TMC2: variants seen among roughly 807,000 people sequenced by gnomAD.
TMC2 encodes the protein transmembrane channel like 2, also known as transmembrane channel-like protein 2.
TMC2 carries 102 observed loss-of-function variants against 105.9 expected under a neutral mutation model. The observed-to-expected ratio is 0.96, with a 90% CI of 0.82 to 1.14. The LOEUF is 1.14. Among genes scored for constraint, TMC2 ranks in the 50% most tolerant of loss-of-function variants. TMC2 has a pLI of 0.00. For missense variants in TMC2, 1,093 were observed against 1,134.3 expected, an observed-to-expected ratio of 0.96 and a Z score of 0.52; for synonymous variants, 402 against 422.8, an observed-to-expected ratio of 0.95 and a Z score of 0.60.
In TMC2 at chr20:2,616,089, G is replaced by A. The variant is rs908113961; in HGVS notation, c.1873-48G>A. The stretch of plus-strand genomic sequence containing the variant: ...TAGGGTTTGGCTGAATTCACCAAAC[G>A]TGCTTTTTTTTTTCTCTCTCTCTCT... On this transcript the variant is annotated intron_variant, in intron 14 of 19. Transcript: ENST00000358864. The surrounding 1 kb of genome is among the most constrained non-coding windows in gnomAD (Gnocchi z 4.8). The A allele has an allele frequency of 6.5e-7, 1 of 1,531,308 alleles. No individual in the cohort carries two copies. Among genetic ancestry groups the A allele is most frequent in the Non-Finnish European group, 9.0e-7 (1 of 1,111,238 alleles). 94.9% of individuals were successfully genotyped at this position (1,531,308 alleles called of 1,614,324 possible). A position where few individuals can be genotyped will look rare whatever the true frequency, so the allele number is the denominator to read the frequency against.
intron 18 of TMC2, 135 bp from the exon 19 acceptor site, chr20:2,637,339 G>A (rs1300730388): frequency 2.4e-5 from 14 of 583,406 alleles, no homozygotes; most frequent in Non-Finnish European, 4.2e-5. Flanking sequence ...AGTGAGCCGA[G>A]TTCACGCCGC....
chr20:2,614,295 C>G lies in TMC2; in HGVS notation c.1872+973C>G, dbSNP rs145717330. On this transcript the variant is annotated intron_variant, in intron 14 of 19. Transcript: ENST00000358864. ...TTGAAAAATAAGCATGTGAGAATAT[C>G]CAGAAAAAATATTTAAAAAGAAGAA... Among the ~76,000 whole-genome samples, 234 of 152,144 alleles carry G rather than the reference C, an allele frequency of 1.5e-3. 1 individual carries two copies. Among genetic ancestry groups the G allele is most frequent in the Non-Finnish European group, 2.9e-3 (196 of 68,010 alleles).
intron 4 of TMC2, among the ~76,000 whole-genome samples, chr20:2,565,060 C>T (rs1254708640): frequency 6.6e-6 from 1 of 152,242 alleles, no homozygotes; most frequent in Non-Finnish European, 1.5e-5. Context: ...TGCCCCTCCC[C>T]ACAAGCAGGC....
intron 2 of TMC2, among the ~76,000 whole-genome samples, chr20:2,548,195 T>C (rs2085935789): frequency 6.6e-6 from 1 of 152,216 alleles, no homozygotes; most frequent in African/African-American, 2.4e-5. Flanking sequence ...ACACACATCT[T>C]GTATACAGCT....
chr20:2,641,808 C>A lies in TMC2; in HGVS notation c.*457C>A. On this transcript the variant is annotated 3_prime_UTR_variant, in exon 20 of 20. Transcript: ENST00000358864. ...AGTGAGCTGGTTTAAATGAAAGGTC[C>A]AGGCCAGGCACAGTGGCTCACACCT... 6.0e-6 allele frequency: 1 copy of A among 166,746 alleles called. No homozygotes were observed. Among genetic ancestry groups the A allele is most frequent in the Admixed American group, 5.7e-5 (1 of 17,494 alleles). The allele number at this position is 166,746 out of a possible 1,614,324, so 10.3% of individuals were successfully genotyped here. A position where few individuals can be genotyped will look rare whatever the true frequency, so the allele number is the denominator to read the frequency against.
rs11472755 is a variant in TMC2, at chr20:2,598,197, G to GAAA, written c.1224+911_1224+913dup. On this transcript the variant is annotated intron_variant, in intron 10 of 19. Transcript: ENST00000358864. ...CTGTTCCCCAGAAAGCTAGTGAAAT[G>GAAA]AAAAAAAAAAAAAAGAATTTGAACT... Among the ~76,000 whole-genome samples, 507 of 132,390 alleles carry GAAA rather than the reference G, an allele frequency of 3.8e-3. 18 individuals are homozygous for GAAA. In the East Asian group the frequency reaches 0.063, roughly 17 times the overall value. 86.9% of individuals were successfully genotyped at this position (132,390 alleles called of 152,430 possible).
chr20:2,605,135 A>C (rs1337231617), intron 11 of TMC2, among the ~76,000 whole-genome samples: 2 of 152,098 alleles, frequency 1.3e-5, no homozygotes, highest in African/African-American at 2.4e-5. Context: ...TTAGTGTCTT[A>C]ATTGAATTGA....
chr20:2,610,937 T>G lies in TMC2; in HGVS notation c.1593+339T>G, dbSNP rs554395245. Among the ~76,000 whole-genome samples, 15 of 152,322 alleles carry G rather than the reference T, an allele frequency of 9.8e-5. No homozygotes were observed. In the South Asian group the frequency reaches 2.9e-3, roughly 29 times the overall value. On this transcript the variant is annotated intron_variant, in intron 12 of 19. Coordinates refer to ENST00000358864, the MANE Select transcript of TMC2 (RefSeq NM_080751.3). ...AGTAATTGTCCTCTAAGGGGCTATG[T>G]CATTACTTAACCGTTTATCAATGCT...
At chr20:2,586,597 G>A (rs558128189) in intron 7 of TMC2, among the ~76,000 whole-genome samples, 22 of 152,200 alleles carry the variant, frequency 1.4e-4, no homozygotes, top group Admixed American at 3.3e-4. Flanking sequence ...GAGCAAGAGA[G>A]TGATTGGGAG....
At chr20:2,615,603 C>T (rs759759664) in intron 14 of TMC2, among the ~76,000 whole-genome samples, 5 of 152,172 alleles carry the variant, frequency 3.3e-5, no homozygotes, top group Middle Eastern at 3.2e-3. Flanking sequence ...AAAATATGAA[C>T]CAAGCTGGGT....
At chr20:2,624,507 C>T (rs553554257) in intron 17 of TMC2, 111 bp downstream of exon 17, 2 of 1,269,448 alleles carry the variant, frequency 1.6e-6, no homozygotes, top group South Asian at 1.5e-5. Flanking sequence ...TCCCCAGAAG[C>T]AGAATCCATG....
At chr20:2,598,493 C>T (rs1450875193) in intron 10 of TMC2, among the ~76,000 whole-genome samples, 1 of 152,000 alleles carries the variant, frequency 6.6e-6, no homozygotes, top group African/African-American at 2.4e-5. Context: ...CAGCTCACTG[C>T]AACCTCCGGC....
At chr20:2,612,131 T>C in intron 12 of TMC2, 60 bp from the exon 13 acceptor site, 3 of 1,487,848 alleles carry the variant, frequency 2.0e-6, no homozygotes, top group East Asian at 4.7e-5. Flanking sequence ...ACTGTTCTTA[T>C]GGAAACAGTT....
intron 9 of TMC2, among the ~76,000 whole-genome samples, chr20:2,595,933 C>G (rs957613046): frequency 6.6e-6 from 1 of 152,208 alleles, no homozygotes. Context: ...ACTGGGTGAT[C>G]TCTGACTGCA....
Position 2,635,974 on chromosome 20 carries a change from T to A in TMC2, c.2355T>A (p.Ala785=). The change falls in exon 18 of 20, where the codon GCT becomes GCA. Residue 785 remains alanine (A), a synonymous_variant. Transcript: ENST00000358864. ...CAGTTTCCAAAAGCCTTTCCCGAGC[T>A]AATGCCCAGCTGAGGAAGAAAATCC... The part of the protein sequence containing the change: ...LNSVSKSLSR[A]NAQLRKKIQV... The A allele has an allele frequency of 6.2e-7, 1 of 1,614,164 alleles. No individual in the cohort carries two copies. Among genetic ancestry groups the A allele is most frequent in the African/African-American group, 1.3e-5 (1 of 75,054 alleles).
Position 2,624,389 on chromosome 20 carries a change from C to T in TMC2, c.2299C>T (p.Leu767=), listed in dbSNP as rs115578540. ...AGGCCTGATCATCCCAGCCATCCTG[C>T]TGATGTTGTAAGTTAGCCAGGACCC... ...NPGLIIPAIL[L]MFLAIYYLNS... is the part of the protein sequence containing the mutation. The change falls in exon 17 of 20, where the codon CTG becomes TTG. Residue 767 remains leucine, a synonymous_variant. Coordinates refer to ENST00000358864, the MANE Select transcript of TMC2 (RefSeq NM_080751.3). 1.1e-3 allele frequency: 1,741 copies of T among 1,613,520 alleles called. 18 individuals carry two copies. The African/African-American group carries it at 0.019, about 17-fold the overall frequency.
At chr20:2,549,453 A>AT (rs1170019144) in intron 2 of TMC2, among the ~76,000 whole-genome samples, 3 of 152,094 alleles carry the variant, frequency 2.0e-5, no homozygotes, top group Non-Finnish European at 4.4e-5. Flanking sequence ...TTTAAAAAAT[A>AT]TTTTTCCAGC....
chr20:2,579,273 G>A (rs368768667), intron 6 of TMC2, 46 bp downstream of exon 6: 151 of 1,178,126 alleles, frequency 1.3e-4, no homozygotes, highest in African/African-American at 1.1e-3. Flanking sequence ...TTCCTAAAGC[G>A]TTTCCCAAGA....
At chr20:2,602,921 A>G (rs925895982) in intron 11 of TMC2, among the ~76,000 whole-genome samples, 1 of 152,318 alleles carries the variant, frequency 6.6e-6, no homozygotes, top group Non-Finnish European at 1.5e-5. Context: ...TGTGTCCTCC[A>G]TCTTTTGAAT....
Sources: allele counts gnomAD v4.1 joint callset (sites outside exome capture counted in the v4.1 genomes callset), GRCh38; gene constraint gnomAD v4.1.1; non-coding constraint Gnocchi (gnomAD v3.1); transcripts MANE v1.5; gene names NCBI Gene and HGNC (gene_info 2026-07-23, HGNC 2026-07-21).